The following MAP2K7 variants were observed in gnomAD, a reference collection of about 807,000 sequenced individuals.
MAP2K7 encodes mitogen-activated protein kinase kinase 7, also known as dual specificity mitogen-activated protein kinase kinase 7.
In MAP2K7, 12 loss-of-function variants were observed where a neutral mutation model predicts 47.7. The observed-to-expected ratio is 0.25, with a 90% CI of 0.16 to 0.41. The LOEUF is 0.41. MAP2K7 is among the 10% of genes least tolerant of loss of function. The pLI is 1.00. For missense variants in MAP2K7, 415 were observed against 600.3 expected (o/e 0.69, Z 3.23); for synonymous variants, 299 against 243.0 (o/e 1.23, Z -2.14).
chr19:7,914,022 G>T lies in MAP2K7; in HGVS notation c.*1591G>T, dbSNP rs1224650670. On this transcript the variant is annotated 3_prime_UTR_variant, in exon 11 of 11. Coordinates refer to ENST00000397979, the MANE Select transcript of MAP2K7 (RefSeq NM_145185.4). ...CTTGGCCCCTTTGTCAGGGGCCAGG[G>T]GTCTGCCGGGTGGGGGTGCCAACAG... 1 of 152,008 alleles carries T rather than the reference G, an allele frequency of 6.6e-6. No individual in the cohort carries two copies. The highest frequency in any genetic ancestry group is 1.5e-5 in the Non-Finnish European group (1 of 67,928). The allele number at this position is 152,008 out of a possible 1,614,324, so 9.4% of individuals were successfully genotyped here. A position where few individuals can be genotyped will look rare whatever the true frequency, so the allele number is the denominator to read the frequency against.
At position 7,910,967 on chromosome 19, in the gene MAP2K7, TG is replaced by T. The variant is rs1240648406; in HGVS notation, c.676-12del. 3 of 1,602,628 alleles carry T rather than the reference TG, an allele frequency of 1.9e-6. No individual in the cohort carries two copies. The highest frequency in any genetic ancestry group is 2.7e-5 in the African/African-American group (2 of 74,720). On this transcript the variant is annotated splice_polypyrimidine_tract_variant and intron_variant, in intron 6 of 10. Coordinates refer to ENST00000397979, the MANE Select transcript of MAP2K7 (RefSeq NM_145185.4). ...GCCCCCTGCCACATGCACCCCCCTC[TG>T]CGTGCCTGCAGATTGTGAAGGCGCT...
Position 7,910,823 on chromosome 19 carries a change from T to G in MAP2K7, c.675+20T>G, listed in dbSNP as rs550936407. The G allele has an allele frequency of 3.0e-5, 47 of 1,578,588 alleles. No homozygotes were observed. Among genetic ancestry groups the G allele is most frequent in the South Asian group, 3.5e-5 (3 of 86,726 alleles). Reference sequence around the variant, plus strand: ...GTGGCGGTGAGTGACCAGGCGGGGCTTGCACTGGGCAGGATGACAGAGGCG... The same window carrying G: ...GTGGCGGTGAGTGACCAGGCGGGGCGTGCACTGGGCAGGATGACAGAGGCG... On this transcript the variant is annotated intron_variant, in intron 6 of 10. Coordinates refer to ENST00000397979, the MANE Select transcript of MAP2K7 (RefSeq NM_145185.4).
chr19:7,912,281 C>G lies in MAP2K7; in HGVS notation c.1126-16C>G, dbSNP rs758583359. 2 of 1,613,624 alleles carry G rather than the reference C, an allele frequency of 1.2e-6. No individual in the cohort carries two copies. Among genetic ancestry groups the G allele is most frequent in the East Asian group, 2.2e-5 (1 of 44,870 alleles). ...AAGACCGTCTCCTCCTAAGCCCCAC[C>G]CCCTCGGGCCCACAGGAACACAGCT... On this transcript the variant is annotated splice_polypyrimidine_tract_variant and intron_variant, in intron 10 of 10. Transcript: ENST00000397979.
intron 9 of MAP2K7, 110 bp from the exon 10 acceptor site, chr19:7,912,037 CCA>C (rs1297489163): frequency 6.4e-6 from 6 of 938,472 alleles, no homozygotes; most frequent in Admixed American, 5.9e-5. Context: ...GCTCCTTCCC[CCA>C]CACACATCTT....
In MAP2K7 at chr19:7,903,989, A is replaced by G. The variant is rs1982257282; in HGVS notation, c.45A>G (p.Ala15=). The G allele has an allele frequency of 6.4e-7, 1 of 1,551,662 alleles. No individual in the cohort carries two copies. The change falls in exon 1 of 11, where the codon GCA becomes GCG. Residue 15 remains alanine (A), a synonymous_variant. Coordinates refer to ENST00000397979, the MANE Select transcript of MAP2K7 (RefSeq NM_145185.4). The part of the protein sequence containing the change: ...SLEQKLSRLE[A]KLKQENREAR... ...AACAGAAGCTGTCCCGCCTGGAAGC[A>G]AAGCTGAAGCAGGAGAACCGGGAGG...
At chr19:7,909,988 C>T in intron 2 of MAP2K7, 75 bp from the exon 3 acceptor site, 1 of 1,516,238 alleles carries the variant, frequency 6.6e-7, no homozygotes, top group East Asian at 2.5e-5. Flanking sequence ...CCGGTGGGAA[C>T]CCCGGTATGG....
intron 1 of MAP2K7, chr19:7,905,985 CT>C: frequency 1.2e-6 from 1 of 818,562 alleles, no homozygotes; most frequent in Non-Finnish European, 2.1e-6. Flanking sequence ...CTCACTCTCA[CT>C]TTCTCTCTCA....
chr19:7,907,582 T>G (rs139655374), intron 1 of MAP2K7, among the ~76,000 whole-genome samples: 21 of 152,334 alleles, frequency 1.4e-4, no homozygotes, highest in African/African-American at 4.8e-4. Flanking sequence ...CTCTGTGGCC[T>G]CTGTTCTCAG....
At chr19:7,910,230 G>C in intron 3 of MAP2K7, 30 bp from the exon 4 acceptor site, 1 of 1,609,316 alleles carries the variant, frequency 6.2e-7, no homozygotes, top group Non-Finnish European at 8.5e-7. Context: ...AGAGGCCCCA[G>C]GGACCCTCCA....
rs756876611 is a variant in MAP2K7, at chr19:7,911,552, G to A, written c.1053G>A (p.Gly351=). The change falls in exon 9 of 11, where the codon GGG becomes GGA. Residue 351 remains glycine, a synonymous_variant. Transcript: ENST00000397979. ...TGCCCGGACACATGGGCTTCTCGGGGGACTTCCAGTCCTTCGTCAAAGACT... is the reference window on the plus strand; with the variant it reads ...TGCCCGGACACATGGGCTTCTCGGGAGACTTCCAGTCCTTCGTCAAAGACT... The part of the protein sequence containing the change: ...PLLPGHMGFS[G]DFQSFVKDCL... 5 of 1,602,152 alleles carry A rather than the reference G, an allele frequency of 3.1e-6. No homozygotes were observed. Among genetic ancestry groups the A allele is most frequent in the Non-Finnish European group, 4.3e-6 (5 of 1,173,470 alleles).
intron 1 of MAP2K7, among the ~76,000 whole-genome samples, chr19:7,908,043 T>C (rs1982576647): frequency 6.6e-6 from 1 of 151,876 alleles, no homozygotes; most frequent in Admixed American, 6.6e-5. Flanking sequence ...CGTGTACCTA[T>C]AATCCCAGCT....
At position 7,911,468 on chromosome 19, in the gene MAP2K7, G is replaced by A. The variant is rs1341411019; in HGVS notation, c.969G>A (p.Lys323=). The part of the protein sequence containing the change: ...VELATGQFPY[K]NCKTDFEVLT... Reference sequence around the variant, plus strand: ...TGGCAACAGGACAGTTTCCCTACAAGAACTGCAAGACGGACTTTGAGGTCC... The same window carrying A: ...TGGCAACAGGACAGTTTCCCTACAAAAACTGCAAGACGGACTTTGAGGTCC... The change falls in exon 9 of 11, where the codon AAG becomes AAA. Residue 323 remains lysine, a synonymous_variant. Transcript: ENST00000397979. The A allele has an allele frequency of 6.2e-7, 1 of 1,613,530 alleles. No homozygotes were observed. The highest frequency in any genetic ancestry group is 1.1e-5 in the South Asian group (1 of 91,082).
At chr19:7,908,910 C>A (rs1270314905) in intron 1 of MAP2K7, among the ~76,000 whole-genome samples, 1 of 152,066 alleles carries the variant, frequency 6.6e-6, no homozygotes, top group African/African-American at 2.4e-5. Context: ...TGCCCTCCCA[C>A]CCCTAATGCC....
At position 7,910,141 on chromosome 19, in the gene MAP2K7, A is replaced by G. The variant is rs754204136; in HGVS notation, c.333+12A>G. On this transcript the variant is annotated intron_variant, in intron 3 of 10. Coordinates refer to ENST00000397979, the MANE Select transcript of MAP2K7 (RefSeq NM_145185.4). ...CCATCGGGGGCCAGGTACCACCTTC[A>G]CTGTGGCGGGGAGAGGGAGGAGGCC... 1.9e-6 allele frequency: 3 copies of G among 1,603,916 alleles called. No homozygotes were observed. Among genetic ancestry groups the G allele is most frequent in the Admixed American group, 1.7e-5 (1 of 58,394 alleles).
Position 7,909,866 on chromosome 19 carries a change from C to T in MAP2K7, c.236C>T (p.Ser79Leu), listed in dbSNP as rs1408284809. ...ARPRHMLGLP[S>L]TLFTPRSMES... ...CCCCGCCACATGCTGGGGCTCCCGT[C>T]AACCCTGTTCACACCCCGCAGCATG... The change falls in exon 2 of 11, where the codon TCA becomes TTA. Residue 79 changes from serine to leucine, a missense_variant. Ser to Leu is a moderately radical substitution (Grantham distance 145). Transcript: ENST00000397979. 1 of 1,534,862 alleles carries T rather than the reference C, an allele frequency of 6.5e-7. No individual in the cohort carries two copies. Among genetic ancestry groups the T allele is most frequent in the Non-Finnish European group, 8.8e-7 (1 of 1,139,622 alleles).
In MAP2K7 at chr19:7,911,234, CCT is replaced by C. The variant is rs569938338; in HGVS notation, c.856-14_856-13del. 3.5e-4 allele frequency: 566 copies of C among 1,607,040 alleles called. 1 individual carries two copies. In the African/African-American group the frequency reaches 6.3e-3, roughly 18 times the overall value. ...CCCCAGCCTTGGAGATACGTCTTCT[CCT>C]CCCCCCCCTGCAGCCCGAGCGCATT... On this transcript the variant is annotated splice_polypyrimidine_tract_variant and intron_variant, in intron 7 of 10. Coordinates refer to ENST00000397979, the MANE Select transcript of MAP2K7 (RefSeq NM_145185.4).
At position 7,912,605 on chromosome 19, in the gene MAP2K7, C is replaced by G. The variant is rs937668135; in HGVS notation, c.*174C>G. 4.0e-6 allele frequency: 3 copies of G among 756,800 alleles called. No homozygotes were observed. The highest frequency in any genetic ancestry group is 4.1e-6 in the Non-Finnish European group (2 of 489,898). 46.9% of individuals were successfully genotyped at this position (756,800 alleles called of 1,614,324 possible). On this transcript the variant is annotated 3_prime_UTR_variant, in exon 11 of 11. Transcript: ENST00000397979. The stretch of plus-strand genomic sequence containing the variant: ...CCCCCCCCGCCCCGGGCCTACCAAG[C>G]CCCCGCCCTTCCCACCCCGGGGTCA...
intron 1 of MAP2K7, among the ~76,000 whole-genome samples, chr19:7,907,471 C>G (rs560311497): frequency 2.0e-5 from 3 of 152,342 alleles, no homozygotes; most frequent in Non-Finnish European, 4.4e-5. Context: ...TCGGCAGACA[C>G]GTGCCCTCCA....
rs910660046 is a variant in MAP2K7, at chr19:7,905,736, C to A, written c.124+1668C>A. The A allele has an allele frequency of 3.8e-6, 5 of 1,331,102 alleles. No homozygotes were observed. The African/African-American group carries it at 7.2e-5, about 19-fold the overall frequency. 82.5% of individuals were successfully genotyped at this position (1,331,102 alleles called of 1,614,324 possible). On this transcript the variant is annotated intron_variant, in intron 1 of 10. Transcript: ENST00000397979. ...CCTCGTTTATGATTTGATTTCTTTT[C>A]TTTTGGACGAATCAGTCGTTTCTGT...
Sources: gnomAD v4.1 joint callset for allele counts (sites outside exome capture counted in the v4.1 genomes callset) on GRCh38, gnomAD v4.1.1 for gene constraint, MANE v1.5 for transcripts, NCBI Gene and HGNC (gene_info 2026-07-23, HGNC 2026-07-21) for gene names.